The following DLG2 variants were observed in gnomAD, a reference collection of about 807,000 sequenced individuals.
DLG2 encodes the protein discs large MAGUK scaffold protein 2.
Under a neutral mutation model 132.5 loss-of-function variants are expected in DLG2, and 45 were observed. The observed-to-expected ratio is 0.34, with a 90% CI of 0.27 to 0.44. The LOEUF is 0.44. Among genes scored for constraint, DLG2 ranks in the 20% least tolerant of loss-of-function variants. The pLI, the probability that DLG2 is intolerant of heterozygous loss-of-function variation, is 1.00. For synonymous variants in DLG2, 424 were observed against 419.6 expected, an observed-to-expected ratio of 1.01 and a Z score of -0.13; for missense variants, 1,045 against 1,196.9, an observed-to-expected ratio of 0.87 and a Z score of 1.87.
At chr11:84,650,873 G>GTATATA (rs71274437) in intron 6 of DLG2, among the ~76,000 whole-genome samples, 104 of 123,980 alleles carry the variant, frequency 8.4e-4, no homozygotes, top group South Asian at 3.2e-3. Flanking sequence ...GTGTGTGTGT[G>GTATATA]TATATATATA....
intron 6 of DLG2, among the ~76,000 whole-genome samples, chr11:84,609,179 T>C (rs1329273995): frequency 6.6e-6 from 1 of 152,208 alleles, no homozygotes; most frequent in Non-Finnish European, 1.5e-5. Flanking sequence ...CTGCTTGGCT[T>C]CAATCCTGCA....
At chr11:84,537,665 A>G (rs1183255335) in intron 6 of DLG2, among the ~76,000 whole-genome samples, 2 of 152,180 alleles carry the variant, frequency 1.3e-5, no homozygotes, top group African/African-American at 4.8e-5. Context: ...TTGTCATGCT[A>G]TATGGTTGTG....
At chr11:84,743,705 T>C (rs1181709747) in intron 6 of DLG2, among the ~76,000 whole-genome samples, 1 of 152,028 alleles carries the variant, frequency 6.6e-6, no homozygotes, top group African/African-American at 2.4e-5. Flanking sequence ...GAGAATGACA[T>C]GCGCCAAGAA....
chr11:83,552,255 G>C (rs980456771), intron 19 of DLG2, among the ~76,000 whole-genome samples: 1 of 152,164 alleles, frequency 6.6e-6, no homozygotes, highest in African/African-American at 2.4e-5. Context: ...GACAGTGAAG[G>C]CTGCATTTTC....
intron 3 of DLG2, among the ~76,000 whole-genome samples, chr11:85,352,733 G>A (rs182049983): frequency 3.3e-3 from 504 of 152,234 alleles, no homozygotes; most frequent in Admixed American, 5.2e-3. Flanking sequence ...ACAAGAAATC[G>A]GGAAAGGATT....
intron 6 of DLG2, among the ~76,000 whole-genome samples, chr11:84,939,485 C>T (rs964273845): frequency 1.3e-5 from 2 of 152,072 alleles, no homozygotes; most frequent in Non-Finnish European, 2.9e-5. Flanking sequence ...TTATCAAATA[C>T]TAGATCTTAT....
chr11:83,535,176 C>G (rs2095851246), intron 20 of DLG2, among the ~76,000 whole-genome samples: 1 of 152,172 alleles, frequency 6.6e-6, no homozygotes, highest in Non-Finnish European at 1.5e-5. Context: ...ATATTGATCT[C>G]TTTGTATTCT....
intron 3 of DLG2, among the ~76,000 whole-genome samples, chr11:85,348,826 C>CCAGT (rs1206073964): frequency 6.6e-6 from 1 of 152,148 alleles, no homozygotes; most frequent in East Asian, 1.9e-4. Context: ...CCCTTCATCT[C>CCAGT]CATCCCCATT....
intron 11 of DLG2, among the ~76,000 whole-genome samples, chr11:84,049,087 G>T (rs1457151858): frequency 1.3e-5 from 2 of 151,190 alleles, no homozygotes; most frequent in Non-Finnish European, 3.0e-5. Flanking sequence ...GTTCACTTTG[G>T]CCATATGGGC....
At position 84,159,622 on chromosome 11, in the gene DLG2, T is replaced by C. The variant is rs571993172; in HGVS notation, c.624+3839A>G. 1.1e-4 allele frequency among the ~76,000 whole-genome samples: 16 copies of C among 152,226 alleles called. 1 individual carries two copies. In the South Asian group the frequency reaches 3.3e-3, roughly 32 times the overall value. ...GCAGGTGTCACATTACAGAAGGCCT[T>C]GTATGTAATGATAATGAAGTTAATT... On this transcript the variant is annotated intron_variant, in intron 9 of 27. Transcript: ENST00000376104.
intron 11 of DLG2, among the ~76,000 whole-genome samples, chr11:83,989,554 G>A (rs1275037773): frequency 6.6e-6 from 1 of 152,136 alleles, no homozygotes; most frequent in Non-Finnish European, 1.5e-5. Flanking sequence ...ATAATTAACA[G>A]AAGTTTAGCA....
chr11:84,544,444 A>G (rs1331596399), intron 6 of DLG2, among the ~76,000 whole-genome samples: 1 of 152,224 alleles, frequency 6.6e-6, no homozygotes, highest in African/African-American at 2.4e-5. Context: ...AGGTATCATC[A>G]TTCTCATTTC....
At chr11:84,329,381 G>A (rs1487269163) in intron 7 of DLG2, among the ~76,000 whole-genome samples, 2 of 152,074 alleles carry the variant, frequency 1.3e-5, no homozygotes, top group Non-Finnish European at 2.9e-5. Context: ...GACCTGGTGG[G>A]GGGTAACTGA....
At chr11:85,517,240 A>T (rs1042242878) in intron 3 of DLG2, among the ~76,000 whole-genome samples, 5 of 151,458 alleles carry the variant, frequency 3.3e-5, no homozygotes, top group African/African-American at 7.3e-5. Flanking sequence ...ATCATGATTT[A>T]AAAAAAAACC....
intron 7 of DLG2, among the ~76,000 whole-genome samples, chr11:84,263,174 C>G (rs1441025868): frequency 6.6e-6 from 1 of 152,108 alleles, no homozygotes; most frequent in Non-Finnish European, 1.5e-5. Flanking sequence ...GTCCACTTCT[C>G]ATCAAGGATC....
chr11:85,470,402 T>C (rs751772986), intron 3 of DLG2, among the ~76,000 whole-genome samples: 9 of 151,604 alleles, frequency 5.9e-5, no homozygotes, highest in Non-Finnish European at 1.3e-4. Flanking sequence ...AGGAGAAGAG[T>C]TCCACTGAAG....
chr11:84,227,460 C>A (rs933331357), intron 8 of DLG2, among the ~76,000 whole-genome samples: 1 of 152,026 alleles, frequency 6.6e-6, no homozygotes, highest in African/African-American at 2.4e-5. Flanking sequence ...TATGTTTGTG[C>A]CCCCACTGAG....
At chr11:83,724,484 A>T (rs530307066) in intron 18 of DLG2, among the ~76,000 whole-genome samples, 51,645 of 137,636 alleles carry the variant, frequency 0.38, 10,381 homozygotes, top group African/African-American at 0.57. Context: ...TGTGAGAGAG[A>T]GAGAGAGAGA....
chr11:85,054,995 G>A (rs2063305852), intron 6 of DLG2, among the ~76,000 whole-genome samples: 1 of 152,068 alleles, frequency 6.6e-6, no homozygotes, highest in African/African-American at 2.4e-5. Flanking sequence ...ACCTGCATGT[G>A]TAACCCTGAA....
Sources: gnomAD v4.1 joint callset for allele counts (sites outside exome capture counted in the v4.1 genomes callset) on GRCh38, gnomAD v4.1.1 for gene constraint, MANE v1.5 for transcripts, NCBI Gene and HGNC (gene_info 2026-07-23, HGNC 2026-07-21) for gene names.